Variants in NUP210 observed in about 807,000 individuals in gnomAD.
NUP210 encodes the protein nuclear pore membrane glycoprotein 210.
NUP210 carries 151 observed loss-of-function variants against 196.0 expected under a neutral mutation model. That is an observed-to-expected ratio of 0.77 (90% CI 0.67 to 0.88). The LOEUF (loss-of-function observed/expected upper bound fraction) is 0.88, where lower values mean the gene tolerates loss of function less well. Ranked by LOEUF, NUP210 falls within the 40% of genes least tolerant of loss-of-function variation. NUP210 has a pLI of 0.00. For synonymous variants in NUP210, 1,070 were observed against 1,052.7 expected (o/e 1.02, Z -0.32); for missense variants, 2,314 against 2,493.7 (o/e 0.93, Z 1.53).
At chr3:13,394,672 C>A (rs1010577933) in intron 3 of NUP210, among the ~76,000 whole-genome samples, 1 of 152,206 alleles carries the variant, frequency 6.6e-6, no homozygotes, top group African/African-American at 2.4e-5. Context: ...CATTTATAAG[C>A]ACAATAAGAC....
intron 2 of NUP210, among the ~76,000 whole-genome samples, chr3:13,397,834 G>C (rs568152068): frequency 2.6e-5 from 4 of 152,240 alleles, no homozygotes; most frequent in Non-Finnish European, 5.9e-5. Flanking sequence ...TCCCAAAGAC[G>C]AGAACCCTGT....
intron 13 of NUP210, among the ~76,000 whole-genome samples, chr3:13,369,439 A>C (rs780790874): frequency 5.3e-5 from 8 of 152,004 alleles, no homozygotes; most frequent in Non-Finnish European, 8.8e-5. Context: ...CAGTTTGTCT[A>C]TTTTTAATTT....
chr3:13,406,955 G>A (rs1392161898), intron 1 of NUP210, among the ~76,000 whole-genome samples: 3 of 151,910 alleles, frequency 2.0e-5, no homozygotes, highest in African/African-American at 4.8e-5. Flanking sequence ...ATGGGGACGT[G>A]GCTCACTCGG....
intron 1 of NUP210, among the ~76,000 whole-genome samples, chr3:13,418,850 G>T (rs1006771339): frequency 1.3e-5 from 2 of 150,052 alleles, no homozygotes; most frequent in African/African-American, 2.5e-5. Context: ...TCCCAGCTAC[G>T]AGGCGGGAGA....
chr3:13,362,236 C>A (rs538452617), intron 14 of NUP210, among the ~76,000 whole-genome samples: 1 of 152,176 alleles, frequency 6.6e-6, no homozygotes, highest in African/African-American at 2.4e-5. Context: ...CACCCCTGCA[C>A]GCGGTGGAAG....
Position 13,329,001 on chromosome 3 carries a change from G to T in NUP210, c.4111-55C>A. The T allele has an allele frequency of 2.0e-6, 3 of 1,527,228 alleles. No individual in the cohort carries two copies. In the South Asian group the frequency reaches 3.5e-5, roughly 18 times the overall value. 94.6% of individuals were successfully genotyped at this position (1,527,228 alleles called of 1,614,324 possible). A position where few individuals can be genotyped will look rare whatever the true frequency, so the allele number is the denominator to read the frequency against. ...ATTCAGTGCCAGGGACTGGCCTCCAGGAAAACCCACCTCCCAAGGAGGGGA... is the reference window on the plus strand; with the variant it reads ...ATTCAGTGCCAGGGACTGGCCTCCATGAAAACCCACCTCCCAAGGAGGGGA... On this transcript the variant is annotated intron_variant, in intron 30 of 39. Coordinates refer to ENST00000254508, the MANE Select transcript of NUP210 (RefSeq NM_024923.4).
intron 36 of NUP210, among the ~76,000 whole-genome samples, chr3:13,320,906 A>AG (rs1696499289): frequency 6.6e-6 from 1 of 150,928 alleles, no homozygotes; most frequent in African/African-American, 2.4e-5. Context: ...AAAAAAAAAA[A>AG]GGCTAAACCA....
At chr3:13,342,181 A>G (rs775386695) in intron 21 of NUP210, 58 bp from the exon 22 acceptor site, 21 of 1,598,846 alleles carry the variant, frequency 1.3e-5, no homozygotes, top group East Asian at 6.7e-5. Flanking sequence ...CCTACCATCT[A>G]TGGTGCTCCG....
intron 1 of NUP210, among the ~76,000 whole-genome samples, chr3:13,403,554 C>T (rs932080924): frequency 3.9e-5 from 6 of 152,194 alleles, no homozygotes; most frequent in African/African-American, 7.2e-5. Flanking sequence ...CATTCGTTCA[C>T]GTGGTGAGTG....
intron 13 of NUP210, among the ~76,000 whole-genome samples, chr3:13,367,048 C>A (rs1698562762): frequency 6.6e-6 from 1 of 151,988 alleles, no homozygotes; most frequent in African/African-American, 2.4e-5. Context: ...ATCACTTGAA[C>A]CCAGGAGGCA....
chr3:13,397,397 G>T lies in NUP210; in HGVS notation c.396C>A (p.Asp132Glu). The change falls in exon 3 of 40, where the codon GAC becomes GAA. Residue 132 changes from aspartate to glutamate, a missense_variant. Physicochemically the swap from Asp to Glu is conservative, Grantham distance 45. Coordinates refer to ENST00000254508, the MANE Select transcript of NUP210 (RefSeq NM_024923.4). ...CCTGGATCTTCAGCTCCAGGGGGGA[G>T]TCCTCCAGGTAGAGCTCGCGGGTGG... Reference protein sequence around the residue: ...VSTTRELYLEDSPLELKIQAL... With the variant: ...VSTTRELYLEESPLELKIQAL... 6.2e-7 allele frequency: 1 copy of T among 1,612,090 alleles called. No individual in the cohort carries two copies. The highest frequency in any genetic ancestry group is 8.5e-7 in the Non-Finnish European group (1 of 1,179,260).
Position 13,319,058 on chromosome 3 carries a change from G to GGGGGGCTACTCACAGT in NUP210, c.5561_5563+13dup. The GGGGGGCTACTCACAGT allele has an allele frequency of 1.3e-6, 2 of 1,592,500 alleles. No individual in the cohort carries two copies. The highest frequency in any genetic ancestry group is 1.7e-6 in the Non-Finnish European group (2 of 1,171,420). The stretch of plus-strand genomic sequence containing the variant: ...GCAGCTCTGCCTGGTTGTGCCTGCA[G>GGGGGGCTACTCACAGT]GGGGGCTACTCACAGTGGGGGCTGT... On this transcript the variant is annotated intron_variant, in intron 39 of 39. Coordinates refer to ENST00000254508, the MANE Select transcript of NUP210 (RefSeq NM_024923.4).
intron 3 of NUP210, among the ~76,000 whole-genome samples, 199 bp from the exon 4 acceptor site, chr3:13,391,506 CA>C (rs1163222945): frequency 3.3e-5 from 5 of 151,484 alleles, no homozygotes; most frequent in African/African-American, 9.7e-5. Flanking sequence ...ATGTGACCAC[CA>C]GGGGGCGAGG....
At position 13,319,850 on chromosome 3, in the gene NUP210, G is replaced by A. The variant is rs532038095; in HGVS notation, c.5296C>T (p.Leu1766=). Residue 1766 remains leucine, a synonymous_variant, in exon 37 of 40, where the codon CTG becomes TTG. Transcript: ENST00000254508. The stretch of plus-strand genomic sequence containing the variant: ...TTGGTCACGGGGCTGGAGAAGGTCA[G>A]GGTAGTGGACAGAGGCCCTTGGCTG... ...AGSQGPLSTT[L]TFSSPVTNQA... is the part of the protein sequence containing the mutation. 5.0e-6 allele frequency: 8 copies of A among 1,614,232 alleles called. No homozygotes were observed. The South Asian group carries it at 6.6e-5, about 13-fold the overall frequency.
At chr3:13,374,201 CCTA>C (rs1443248464) in intron 11 of NUP210, among the ~76,000 whole-genome samples, 1 of 152,094 alleles carries the variant, frequency 6.6e-6, no homozygotes, top group Non-Finnish European at 1.5e-5. Context: ...CACTCATACA[CCTA>C]CTCATTCGTA....
intron 20 of NUP210, among the ~76,000 whole-genome samples, chr3:13,344,102 G>A (rs1357061798): frequency 6.6e-6 from 1 of 152,206 alleles, no homozygotes; most frequent in Admixed American, 6.5e-5. Flanking sequence ...AGGCTGGAGT[G>A]CAGTGACGGG....
In NUP210 at chr3:13,328,873, GC is replaced by G. The variant is rs763914557; in HGVS notation, c.4183del (p.Ala1395ProfsTer6). 8 of 1,614,150 alleles carry G rather than the reference GC, an allele frequency of 5.0e-6. No individual in the cohort carries two copies. The South Asian group carries it at 7.7e-5, about 16-fold the overall frequency. ...LHTQNKEALV[A>X]VPLGMTVTFT... ...GGTCACGGTCATTCCCAAAGGCACG[GC>G]CACCAGGGCCTCCTTGTTCTGGGTG... is the stretch of plus-strand genomic sequence containing the variant. On this transcript the variant is annotated frameshift_variant, in exon 31 of 40. Coordinates refer to ENST00000254508, the MANE Select transcript of NUP210 (RefSeq NM_024923.4). LOFTEE classifies it high-confidence loss of function.
intron 10 of NUP210, among the ~76,000 whole-genome samples, 181 bp downstream of exon 10, chr3:13,376,110 A>C (rs1698894500): frequency 6.6e-6 from 1 of 152,204 alleles, no homozygotes; most frequent in African/African-American, 2.4e-5. Context: ...TCTGCTCCCT[A>C]AGGCTGATGG....
At chr3:13,372,710 C>G (rs1248513459) in intron 12 of NUP210, among the ~76,000 whole-genome samples, 1 of 152,178 alleles carries the variant, frequency 6.6e-6, no homozygotes, top group Admixed American at 6.5e-5. Context: ...GGGCTCTCCT[C>G]AACCCCACTC....
Sources: allele counts gnomAD v4.1 joint callset (sites outside exome capture counted in the v4.1 genomes callset), GRCh38; gene constraint gnomAD v4.1.1; transcripts MANE v1.5; gene names NCBI Gene and HGNC (gene_info 2026-07-23, HGNC 2026-07-21).